The following ERC1 variants were observed in gnomAD, a reference collection of about 807,000 sequenced individuals.
ERC1 encodes the protein ELKS/RAB6-interacting/CAST family member 1.
Under a neutral mutation model 132.0 loss-of-function variants are expected in ERC1, and 56 were observed. The ratio of observed to expected loss-of-function variants is 0.42; its 90% CI spans 0.34 to 0.53. ERC1 has a LOEUF of 0.53. ERC1 is among the 20% of genes least tolerant of loss of function. ERC1 has a pLI of 0.03. For missense variants in ERC1, 1,202 were observed against 1,349.9 expected (o/e 0.89, Z 1.72); for synonymous variants, 478 against 476.1 (o/e 1.00, Z -0.05).
intron 15 of ERC1, among the ~76,000 whole-genome samples, chr12:1,320,851 G>A (rs542855732): frequency 9.2e-5 from 14 of 152,188 alleles, no homozygotes; most frequent in African/African-American, 3.1e-4. Context: ...ACAGGCGCCC[G>A]CCACCACGCC....
At chr12:1,398,469 G>A (rs769699262) in intron 16 of ERC1, among the ~76,000 whole-genome samples, 27 of 152,184 alleles carry the variant, frequency 1.8e-4, no homozygotes, top group Non-Finnish European at 2.5e-4. Context: ...AGTAAACCCA[G>A]TCTTCAAGAC....
At chr12:1,095,070 C>G (rs1037179115) in intron 3 of ERC1, among the ~76,000 whole-genome samples, 5 of 152,154 alleles carry the variant, frequency 3.3e-5, no homozygotes, top group Non-Finnish European at 5.9e-5. Context: ...ATACTTCTTT[C>G]TCTCAGGTGT....
At chr12:1,187,520 G>A (rs1258299340) in intron 11 of ERC1, among the ~76,000 whole-genome samples, 1 of 151,796 alleles carries the variant, frequency 6.6e-6, no homozygotes, top group East Asian at 1.9e-4. Flanking sequence ...TCCCAGCTTA[G>A]CCTCCCAAAG....
intron 2 of ERC1, among the ~76,000 whole-genome samples, chr12:1,033,360 C>T (rs1288557953): frequency 2.0e-5 from 3 of 151,814 alleles, no homozygotes; most frequent in Non-Finnish European, 4.4e-5. Flanking sequence ...TTAGTAGAGA[C>T]GAGTTTCACC....
intron 8 of ERC1, among the ~76,000 whole-genome samples, chr12:1,147,596 G>A (rs1407492506): frequency 1.3e-5 from 2 of 152,240 alleles, no homozygotes; most frequent in East Asian, 3.9e-4. Flanking sequence ...GAAGTTACTT[G>A]TAATTTTTAC....
intron 12 of ERC1, among the ~76,000 whole-genome samples, chr12:1,210,538 A>C (rs965055958): frequency 7.9e-5 from 12 of 152,176 alleles, no homozygotes; most frequent in African/African-American, 2.9e-4. Context: ...TTTAAGGTGT[A>C]GTGTAATGGG....
At chr12:992,333 A>G (rs897567353) in intron 1 of ERC1, among the ~76,000 whole-genome samples, 6 of 152,190 alleles carry the variant, frequency 3.9e-5, no homozygotes, top group African/African-American at 1.2e-4. Flanking sequence ...AAAGTGAACA[A>G]TTGGAATAGT....
chr12:1,135,081 G>C (rs1383978516), intron 7 of ERC1, among the ~76,000 whole-genome samples: 2 of 152,162 alleles, frequency 1.3e-5, no homozygotes, highest in Non-Finnish European at 2.9e-5. Context: ...AAGGGTCTGA[G>C]AATGGTAATG....
rs2094330596 is a variant in ERC1, at chr12:1,493,053, G to A, written c.*2823G>A. The stretch of plus-strand genomic sequence containing the variant: ...CCCCAAACCAATGTCACCATAAAGA[G>A]GGCACGAAGAAGAGTGGGTGTGATC... On this transcript the variant is annotated 3_prime_UTR_variant, in exon 19 of 19. Transcript: ENST00000360905. 4.5e-6 allele frequency: 1 copy of A among 223,524 alleles called. No individual in the cohort carries two copies. Among genetic ancestry groups the A allele is most frequent in the African/African-American group, 2.2e-5 (1 of 44,746 alleles). 13.8% of individuals were successfully genotyped at this position (223,524 alleles called of 1,614,324 possible). A position where few individuals can be genotyped will look rare whatever the true frequency, so the allele number is the denominator to read the frequency against.
At chr12:1,170,879 T>G (rs1230189702) in intron 8 of ERC1, among the ~76,000 whole-genome samples, 1 of 152,200 alleles carries the variant, frequency 6.6e-6, no homozygotes, top group Non-Finnish European at 1.5e-5. Context: ...TCCTGTATAA[T>G]TAAATTTGAA....
intron 12 of ERC1, among the ~76,000 whole-genome samples, chr12:1,211,226 G>T (rs1319893335): frequency 1.3e-5 from 2 of 151,932 alleles, no homozygotes; most frequent in Non-Finnish European, 2.9e-5. Context: ...TCGGCTTACC[G>T]CAACCTCCGC....
At chr12:1,478,050 T>C (rs2094008909) in intron 18 of ERC1, among the ~76,000 whole-genome samples, 1 of 152,276 alleles carries the variant, frequency 6.6e-6, no homozygotes, top group Non-Finnish European at 1.5e-5. Flanking sequence ...CTCTTATCAG[T>C]GTCTTCAGGT....
rs551474144 is a variant in ERC1 at position 1,234,563 on chromosome 12, A to AGTTG, written c.2352-2194_2352-2191dup. Among the ~76,000 whole-genome samples, 380 of 152,314 alleles carry AGTTG rather than the reference A, an allele frequency of 2.5e-3. 3 individuals carry two copies. The highest frequency in any genetic ancestry group is 8.6e-3 in the African/African-American group (359 of 41,574). ...CTGCTGTTGGGTTTTTTGTTGCTGT[A>AGTTG]GTTGGTTGGTTGGTTTGGTGGAACT... On this transcript the variant is annotated intron_variant, in intron 12 of 18. Coordinates refer to ENST00000360905, the MANE Select transcript of ERC1 (RefSeq NM_178040.4).
chr12:1,052,935 A>G (rs748113702), intron 2 of ERC1, among the ~76,000 whole-genome samples: 30 of 151,636 alleles, frequency 2.0e-4, no homozygotes, highest in Non-Finnish European at 4.0e-4. Flanking sequence ...GTGCCGTTGC[A>G]CTCCAGTCTG....
chr12:1,412,421 G>T (rs148380126), intron 17 of ERC1, among the ~76,000 whole-genome samples: 54 of 152,328 alleles, frequency 3.5e-4, no homozygotes, highest in East Asian at 1.7e-3. Flanking sequence ...AAGGATTCTG[G>T]AGTTAGGCCA....
chr12:1,110,467 A>C lies in ERC1; in HGVS notation c.1317+120A>C, dbSNP rs1945734891. 1.4e-5 allele frequency: 11 copies of C among 796,010 alleles called. No individual in the cohort carries two copies. In the South Asian group the frequency reaches 2.6e-4, roughly 19 times the overall value. The allele number at this position is 796,010 out of a possible 1,614,324, so 49.3% of individuals were successfully genotyped here. ...CTCTTTTATCAGGTTTCAGGGAAGA[A>C]TACTTTTAGCATAGTTCTTTCAAAT... On this transcript the variant is annotated intron_variant, in intron 5 of 18. Coordinates refer to ENST00000360905, the MANE Select transcript of ERC1 (RefSeq NM_178040.4).
chr12:1,149,882 G>GGA (rs1229846481), intron 8 of ERC1, among the ~76,000 whole-genome samples: 2 of 152,120 alleles, frequency 1.3e-5, no homozygotes. Flanking sequence ...TGAGGTATTA[G>GGA]GAATGACATG....
chr12:1,020,880 T>G (rs1359046471), intron 1 of ERC1: 2 of 152,114 alleles, frequency 1.3e-5, no homozygotes, highest in Non-Finnish European at 2.9e-5. Context: ...ATTAAATAAT[T>G]TATGAACATA....
intron 7 of ERC1, among the ~76,000 whole-genome samples, chr12:1,123,432 C>T (rs536573619): frequency 1.3e-5 from 2 of 152,098 alleles, no homozygotes; most frequent in South Asian, 2.1e-4. Context: ...AAATATAAAT[C>T]TCAGTTGGGC....
Sources: gnomAD v4.1 joint callset for allele counts (sites outside exome capture counted in the v4.1 genomes callset) on GRCh38, gnomAD v4.1.1 for gene constraint, MANE v1.5 for transcripts, NCBI Gene and HGNC (gene_info 2026-07-23, HGNC 2026-07-21) for gene names.